LHPP: variants seen among roughly 807,000 people sequenced by gnomAD.
LHPP encodes the protein hLHPP.
LHPP carries 24 observed loss-of-function variants against 30.3 expected under a neutral mutation model. That is an observed-to-expected ratio of 0.79 (90% CI 0.57 to 1.11). LHPP has a LOEUF of 1.11. Among genes scored for constraint, LHPP ranks in the 50% most tolerant of loss-of-function variants. The pLI, the probability that LHPP is intolerant of heterozygous loss-of-function variation, is 0.00. For synonymous variants in LHPP, 150 were observed against 157.1 expected, an observed-to-expected ratio of 0.95 and a Z score of 0.34; for missense variants, 356 against 367.2, an observed-to-expected ratio of 0.97 and a Z score of 0.25.
intron 6 of LHPP, among the ~76,000 whole-genome samples, chr10:124,546,397 TTTTG>T (rs751474305): frequency 4.0e-4 from 59 of 147,398 alleles, no homozygotes; most frequent in Non-Finnish European, 6.2e-4. Flanking sequence ...TTGTATGTTT[TTTTG>T]TTTGTTTGTT....
At chr10:124,491,663 G>A (rs150468045) in intron 3 of LHPP, among the ~76,000 whole-genome samples, 1,967 of 152,330 alleles carry the variant, frequency 0.013, 23 homozygotes, top group Non-Finnish European at 0.023. Context: ...AGTGGCTCAC[G>A]CCGGTAATCC....
rs202149039 is a variant in LHPP at position 124,484,345 on chromosome 10, A to G, written c.313+19A>G. 2.8e-4 allele frequency: 447 copies of G among 1,603,440 alleles called. No individual in the cohort carries two copies. The African/African-American group carries it at 3.0e-3, about 11-fold the overall frequency. On this transcript the variant is annotated intron_variant, in intron 2 of 6. Transcript: ENST00000368842. ...CATGACGGTAGGCCTGTCGGACACCAGGACCTCACGGGGGTGAAAGCTCCC... is the reference window on the plus strand; with the variant it reads ...CATGACGGTAGGCCTGTCGGACACCGGGACCTCACGGGGGTGAAAGCTCCC...
rs923959377 is a variant in LHPP, at chr10:124,523,652, G to T, written c.716+6381G>T. ...TGTCAAAGTGAGTGGCTAGCAAGCAGGGGGGTCCAGGCTGTGGTGGCCCTG... is the reference window on the plus strand; with the variant it reads ...TGTCAAAGTGAGTGGCTAGCAAGCATGGGGGTCCAGGCTGTGGTGGCCCTG... On this transcript the variant is annotated intron_variant, in intron 6 of 6. Coordinates refer to ENST00000368842, the MANE Select transcript of LHPP (RefSeq NM_022126.4). The surrounding 1 kb of genome is among the most constrained non-coding windows in gnomAD (Gnocchi z 4.2). Among the ~76,000 whole-genome samples the T allele has an allele frequency of 3.3e-5, 5 of 152,132 alleles. No individual in the cohort carries two copies. The highest frequency in any genetic ancestry group is 1.2e-4 in the African/African-American group (5 of 41,434).
chr10:124,566,959 C>G (rs555834746), intron 6 of LHPP, among the ~76,000 whole-genome samples: 4 of 152,202 alleles, frequency 2.6e-5, no homozygotes, highest in Non-Finnish European at 2.9e-5. Context: ...CCGCTCCCAT[C>G]CAGCTCTCCT....
chr10:124,564,477 C>T (rs1191090206), intron 6 of LHPP, among the ~76,000 whole-genome samples: 2 of 151,918 alleles, frequency 1.3e-5, no homozygotes, highest in African/African-American at 4.8e-5. Context: ...TGGTCTTGAA[C>T]TCCTGGGCTC....
At chr10:124,584,233 C>T (rs1227607010) in intron 6 of LHPP, among the ~76,000 whole-genome samples, 7 of 151,242 alleles carry the variant, frequency 4.6e-5, no homozygotes, top group Admixed American at 6.6e-5. Flanking sequence ...GGCATGGTGG[C>T]GTGCACCTGT....
chr10:124,570,412 T>G (rs901646506), intron 6 of LHPP, among the ~76,000 whole-genome samples: 2 of 152,228 alleles, frequency 1.3e-5, no homozygotes, highest in Admixed American at 1.3e-4. Flanking sequence ...TGAGCTGAGG[T>G]TGTCCCCAAA....
At chr10:124,504,719 T>C (rs762916871) in intron 5 of LHPP, among the ~76,000 whole-genome samples, 1 of 152,104 alleles carries the variant, frequency 6.6e-6, no homozygotes, top group Non-Finnish European at 1.5e-5. Context: ...GCTGGTGATA[T>C]TTGGATGGTC....
In LHPP at chr10:124,576,019, T is replaced by C. The variant is rs1344804520; in HGVS notation, c.717-37245T>C. Among the ~76,000 whole-genome samples the C allele has an allele frequency of 2.6e-5, 4 of 152,146 alleles. No individual in the cohort carries two copies. The East Asian group carries it at 7.7e-4, about 29-fold the overall frequency. ...TGCTGTGATACATACTAATCAGTGC[T>C]TCATGAGAAAGGTATGAGCCGAAAG... On this transcript the variant is annotated intron_variant, in intron 6 of 6. Coordinates refer to ENST00000368842, the MANE Select transcript of LHPP (RefSeq NM_022126.4). This position sits in a 1 kb window ranked among gnomAD's most constrained non-coding sequence, Gnocchi z 4.2.
intron 3 of LHPP, among the ~76,000 whole-genome samples, chr10:124,494,797 A>C (rs1256566185): frequency 6.6e-6 from 1 of 152,062 alleles, no homozygotes; most frequent in African/African-American, 2.4e-5. Context: ...TGCCCTTTAA[A>C]GTTTGTCTGT....
chr10:124,553,429 G>A (rs551892064), intron 6 of LHPP, among the ~76,000 whole-genome samples: 43 of 150,816 alleles, frequency 2.9e-4, no homozygotes, highest in Admixed American at 5.9e-4. Flanking sequence ...CGGCACCATA[G>A]GGCCAGGATT....
chr10:124,582,791 G>A (rs1338977230), intron 6 of LHPP, among the ~76,000 whole-genome samples: 1 of 151,886 alleles, frequency 6.6e-6, no homozygotes, highest in Non-Finnish European at 1.5e-5. Context: ...GATTGCTTGA[G>A]CTCAGGAGTT....
chr10:124,574,883 C>T (rs1251358546), intron 6 of LHPP, among the ~76,000 whole-genome samples: 8 of 152,108 alleles, frequency 5.3e-5, no homozygotes, highest in African/African-American at 1.9e-4. Context: ...TGTCCTTCTC[C>T]ACTCTCTCCC....
At chr10:124,479,065 T>C (rs1953044427) in intron 1 of LHPP, among the ~76,000 whole-genome samples, 1 of 61,694 alleles carries the variant, frequency 1.6e-5, no homozygotes. Context: ...TGAGACTCTG[T>C]CTCAAAAAAA....
chr10:124,469,529 T>G (rs1260530988), intron 1 of LHPP, among the ~76,000 whole-genome samples: 1 of 151,936 alleles, frequency 6.6e-6, no homozygotes, highest in East Asian at 1.9e-4. Context: ...CTTCCTCTTT[T>G]CAAAGTGAGG....
Position 124,461,975 on chromosome 10 carries a change from A to G in LHPP, c.113A>G (p.Glu38Gly), listed in dbSNP as rs1196448228. 4.1e-6 allele frequency: 5 copies of G among 1,218,732 alleles called. No individual in the cohort carries two copies. Among genetic ancestry groups the G allele is most frequent in the Non-Finnish European group, 5.1e-6 (5 of 976,702 alleles). The allele number at this position is 1,218,732 out of a possible 1,614,324, so 75.5% of individuals were successfully genotyped here. ...GGGTAIAGSV[E>G]AVARLKRSRL... ...GGCACGGCCATCGCCGGCTCGGTGG[A>G]GGCGGTGGCCAGGTGAGTGGGCCCC... The change falls in exon 1 of 7, where the codon GAG becomes GGG. Residue 38 changes from glutamate (E) to glycine (G), a missense_variant. Glu to Gly is a moderately conservative substitution (Grantham distance 98, BLOSUM62 -2). Coordinates refer to ENST00000368842, the MANE Select transcript of LHPP (RefSeq NM_022126.4).
At chr10:124,594,309 G>A (rs1050352779) in intron 6 of LHPP, among the ~76,000 whole-genome samples, 20 of 131,496 alleles carry the variant, frequency 1.5e-4, no homozygotes, top group Middle Eastern at 4.9e-3. Flanking sequence ...CAGCCTGGGC[G>A]GCAGAGTGAG....
intron 6 of LHPP, among the ~76,000 whole-genome samples, chr10:124,599,993 C>T (rs1198752318): frequency 6.6e-6 from 1 of 152,086 alleles, no homozygotes; most frequent in African/African-American, 2.4e-5. Flanking sequence ...TGAGTTGGGG[C>T]TTTTGCGGAG....
rs1415200155 is a variant in LHPP, at chr10:124,517,182, C to T, written c.627C>T (p.Ala209=). ...LQAIGVEAHQ[A]VMIGDDIVGD... is the part of the protein sequence containing the mutation. ...AGCGTATTTCACTGCCGTGACAGGC[C>T]GTCATGATTGGGGACGATATCGTGG... Residue 209 remains alanine, a splice_region_variant and synonymous_variant, in exon 6 of 7, where the codon GCC becomes GCT. Transcript: ENST00000368842. The surrounding 1 kb of genome is among the most constrained non-coding windows in gnomAD (Gnocchi z 4.1). The T allele has an allele frequency of 5.6e-6, 9 of 1,600,478 alleles. No homozygotes were observed. Among genetic ancestry groups the T allele is most frequent in the East Asian group, 2.3e-5 (1 of 44,158 alleles).
Sources: allele counts gnomAD v4.1 joint callset (sites outside exome capture counted in the v4.1 genomes callset), GRCh38; gene constraint gnomAD v4.1.1; non-coding constraint Gnocchi (gnomAD v3.1); transcripts MANE v1.5; gene names NCBI Gene and HGNC (gene_info 2026-07-23, HGNC 2026-07-21).